CNTN3: variants seen among roughly 807,000 people sequenced by gnomAD.
The protein encoded by CNTN3 is contactin-3.
A neutral mutation model predicts 119.1 loss-of-function variants in CNTN3; 60 were observed. The ratio of observed to expected loss-of-function variants is 0.50; its 90% CI spans 0.41 to 0.62. CNTN3 has a LOEUF of 0.62. Among genes scored for constraint, CNTN3 ranks in the 20% least tolerant of loss-of-function variants. The probability of loss-of-function intolerance (pLI) is 0.00; values close to 1 mark genes in which losing one functional copy is unlikely to be tolerated. For synonymous variants in CNTN3, 450 were observed against 438.7 expected (o/e 1.03, Z -0.32); for missense variants, 1,101 against 1,242.4 (o/e 0.89, Z 1.71).
At chr3:74,352,440 T>C (rs76981348) in intron 11 of CNTN3, among the ~76,000 whole-genome samples, 3 of 152,200 alleles carry the variant, frequency 2.0e-5, no homozygotes, top group Admixed American at 6.5e-5. Context: ...TTTACATGTG[T>C]TGTCTTGGAG....
At chr3:74,458,141 T>C (rs1331304035) in intron 4 of CNTN3, among the ~76,000 whole-genome samples, 1 of 152,046 alleles carries the variant, frequency 6.6e-6, no homozygotes, top group Non-Finnish European at 1.5e-5. Flanking sequence ...AAGAAGGGAA[T>C]AGCTGGCAAT....
intron 1 of CNTN3, among the ~76,000 whole-genome samples, chr3:74,581,583 G>T (rs1011616489): frequency 1.4e-4 from 21 of 152,048 alleles, no homozygotes; most frequent in African/African-American, 4.8e-4. Flanking sequence ...AATTCATTTC[G>T]AACTCCCAAT....
At chr3:74,331,024 T>C (rs1010525535) in intron 13 of CNTN3, among the ~76,000 whole-genome samples, 1 of 152,206 alleles carries the variant, frequency 6.6e-6, no homozygotes, top group African/African-American at 2.4e-5. Context: ...CTACGGTTAA[T>C]TTATTATTGA....
chr3:74,278,913 AAAAC>A (rs1460446531), intron 20 of CNTN3, among the ~76,000 whole-genome samples: 4 of 152,152 alleles, frequency 2.6e-5, no homozygotes, highest in Non-Finnish European at 5.9e-5. Context: ...GCGGGAAAAA[AAAAC>A]AAACAAAAAA....
chr3:74,569,378 C>T (rs1279176932), intron 1 of CNTN3, among the ~76,000 whole-genome samples: 1 of 151,988 alleles, frequency 6.6e-6, no homozygotes, highest in Admixed American at 6.6e-5. Flanking sequence ...AATCTACACT[C>T]CAGAGATCCC....
chr3:74,597,065 T>G (rs973876974), intron 1 of CNTN3, among the ~76,000 whole-genome samples: 1 of 152,006 alleles, frequency 6.6e-6, no homozygotes, highest in African/African-American at 2.4e-5. Flanking sequence ...TACATAAAAT[T>G]CTAAGGTTAC....
intron 13 of CNTN3, among the ~76,000 whole-genome samples, chr3:74,303,787 T>C (rs1702505825): frequency 6.6e-6 from 1 of 152,188 alleles, no homozygotes; most frequent in Admixed American, 6.5e-5. Flanking sequence ...ATTATATTTC[T>C]AAAAGCTCAA....
chr3:74,416,605 A>G (rs1404117789), intron 5 of CNTN3, among the ~76,000 whole-genome samples: 1 of 152,184 alleles, frequency 6.6e-6, no homozygotes, highest in East Asian at 1.9e-4. Context: ...AGGAGTCTGA[A>G]AAACACTGTT....
chr3:74,319,365 A>G (rs1460679524), intron 13 of CNTN3, among the ~76,000 whole-genome samples: 1 of 152,222 alleles, frequency 6.6e-6, no homozygotes, highest in African/African-American at 2.4e-5. Context: ...AATGCCGCAT[A>G]TCTACAACCA....
chr3:74,434,170 A>G (rs1466859338), intron 4 of CNTN3, among the ~76,000 whole-genome samples: 1 of 152,224 alleles, frequency 6.6e-6, no homozygotes, highest in Non-Finnish European at 1.5e-5. Context: ...CTGCAGATCT[A>G]TAGGTGTGTC....
intron 2 of CNTN3, among the ~76,000 whole-genome samples, chr3:74,516,290 T>C (rs991626842): frequency 1.4e-5 from 2 of 144,380 alleles, no homozygotes; most frequent in African/African-American, 2.9e-5. Context: ...CACATTTGCA[T>C]GGATTTTCTT....
At chr3:74,540,056 A>G (rs1408906247) in intron 1 of CNTN3, among the ~76,000 whole-genome samples, 2 of 152,126 alleles carry the variant, frequency 1.3e-5, no homozygotes, top group Non-Finnish European at 2.9e-5. Flanking sequence ...AAGAACTGGG[A>G]AAGTGCACAG....
chr3:74,298,388 AT>A (rs1702384766), intron 17 of CNTN3, among the ~76,000 whole-genome samples, 197 bp from the exon 18 acceptor site: 1 of 152,160 alleles, frequency 6.6e-6, no homozygotes, highest in South Asian at 2.1e-4. Context: ...ATATGTCACC[AT>A]TTCATAGCCA....
chr3:74,409,459 T>A (rs995887942), intron 5 of CNTN3, among the ~76,000 whole-genome samples: 1 of 86,212 alleles, frequency 1.2e-5, no homozygotes, highest in Admixed American at 1.3e-4. Context: ...TGCTGCCTGA[T>A]CCATGAATCA....
chr3:74,326,489 T>C (rs1034118256), intron 13 of CNTN3, among the ~76,000 whole-genome samples: 2 of 152,174 alleles, frequency 1.3e-5, no homozygotes, highest in African/African-American at 4.8e-5. Flanking sequence ...TCCTGTATTC[T>C]AGCTATTTGA....
chr3:74,406,199 C>T (rs1705319346), intron 5 of CNTN3, among the ~76,000 whole-genome samples: 2 of 152,032 alleles, frequency 1.3e-5, no homozygotes, highest in South Asian at 2.1e-4. Flanking sequence ...AAACAAAATG[C>T]TAATTGCCTT....
At chr3:74,403,137 T>C (rs1194109112) in intron 5 of CNTN3, among the ~76,000 whole-genome samples, 2 of 152,076 alleles carry the variant, frequency 1.3e-5, no homozygotes, top group African/African-American at 4.8e-5. Context: ...TGAATTTACA[T>C]CTTAAAGCCC....
At chr3:74,450,646 A>G (rs1338371949) in intron 4 of CNTN3, among the ~76,000 whole-genome samples, 2 of 143,876 alleles carry the variant, frequency 1.4e-5, no homozygotes, top group Non-Finnish European at 3.0e-5. Flanking sequence ...ATATCTCCCA[A>G]TGCTATCCCT....
At chr3:74,537,359 C>T (rs1283445830) in intron 1 of CNTN3, among the ~76,000 whole-genome samples, 1 of 152,114 alleles carries the variant, frequency 6.6e-6, no homozygotes, top group South Asian at 2.1e-4. Context: ...TGTGGGGGAA[C>T]TATGTAAAAA....
Sources: gnomAD v4.1 joint callset for allele counts (sites outside exome capture counted in the v4.1 genomes callset) on GRCh38, gnomAD v4.1.1 for gene constraint, MANE v1.5 for transcripts, NCBI Gene and HGNC (gene_info 2026-07-23, HGNC 2026-07-21) for gene names.